ZRANB1: variants seen among roughly 807,000 people sequenced by gnomAD.
The protein encoded by ZRANB1 is ubiquitin thioesterase ZRANB1.
Under a neutral mutation model 80.5 loss-of-function variants are expected in ZRANB1, and 16 were observed. That is an observed-to-expected ratio of 0.20 (90% CI 0.13 to 0.30). The LOEUF (loss-of-function observed/expected upper bound fraction) is 0.30. Ranked by LOEUF, ZRANB1 falls within the 10% of genes least tolerant of loss-of-function variation. The pLI, the probability that ZRANB1 is intolerant of heterozygous loss-of-function variation, is 1.00. For missense variants in ZRANB1, 576 were observed against 862.6 expected, an observed-to-expected ratio of 0.67 and a Z score of 4.16; for synonymous variants, 291 against 293.1, an observed-to-expected ratio of 0.99 and a Z score of 0.07.
rs1952003262 is a variant in ZRANB1 at position 124,985,071 on chromosome 10, T to C, written c.*79T>C. 1 of 1,185,318 alleles carries C rather than the reference T, an allele frequency of 8.4e-7. No individual in the cohort carries two copies. The highest frequency in any genetic ancestry group is 1.5e-5 in the African/African-American group (1 of 65,404). 73.4% of individuals were successfully genotyped at this position (1,185,318 alleles called of 1,614,324 possible). ...AGTTAGTGTGGTGCTCCAAGCAGAG[T>C]CGACATCATGGAATGAACCAAATCT... On this transcript the variant is annotated 3_prime_UTR_variant, in exon 9 of 9. Coordinates refer to ENST00000359653, the MANE Select transcript of ZRANB1 (RefSeq NM_017580.3).
At chr10:124,960,101 A>G (rs1359658894) in intron 1 of ZRANB1, among the ~76,000 whole-genome samples, 1 of 152,110 alleles carries the variant, frequency 6.6e-6, no homozygotes, top group Admixed American at 6.6e-5. Context: ...AGGTTTTTTA[A>G]GAGGTTTTGT....
intron 1 of ZRANB1, among the ~76,000 whole-genome samples, chr10:124,962,772 A>G (rs533353505): frequency 3.3e-5 from 5 of 152,278 alleles, no homozygotes; most frequent in African/African-American, 9.6e-5. Flanking sequence ...GTGTATTAAC[A>G]CTTTATCTGT....
At chr10:124,958,053 T>C (rs1951701351) in intron 1 of ZRANB1, among the ~76,000 whole-genome samples, 1 of 152,250 alleles carries the variant, frequency 6.6e-6, no homozygotes, top group Admixed American at 6.5e-5. Context: ...TTTTTGAGAC[T>C]GAATAATATT....
At chr10:124,924,137 C>G in the ZRANB1 span, among the ~76,000 whole-genome samples, 1 of 151,388 alleles carries the variant, frequency 6.6e-6, no homozygotes, top group Non-Finnish European at 1.5e-5. Context: ...CTCCTGAGTT[C>G]AAGTGATCTG....
At chr10:124,972,845 C>G (rs1161492792) in intron 3 of ZRANB1, among the ~76,000 whole-genome samples, 2 of 151,260 alleles carry the variant, frequency 1.3e-5, no homozygotes, top group African/African-American at 4.9e-5. Context: ...TGGGCGTGAT[C>G]ATAGCTTACT....
intron 2 of ZRANB1, among the ~76,000 whole-genome samples, chr10:124,970,405 C>T (rs984520452): frequency 6.6e-6 from 1 of 152,114 alleles, no homozygotes; most frequent in Non-Finnish European, 1.5e-5. Flanking sequence ...ACTACTGGTG[C>T]ATGCCACTAA....
chr10:124,951,739 T>C (rs1205362605), intron 1 of ZRANB1, among the ~76,000 whole-genome samples: 1 of 152,080 alleles, frequency 6.6e-6, no homozygotes, highest in Non-Finnish European at 1.5e-5. Context: ...GTCGGATCAC[T>C]TGAGGTCAGG....
At chr10:124,927,517 C>T in the ZRANB1 span, among the ~76,000 whole-genome samples, 164 of 152,196 alleles carry the variant, frequency 1.1e-3, 2 homozygotes, top group East Asian at 0.016. Flanking sequence ...TATTTTTAAA[C>T]GGGAACTAGT....
intron 1 of ZRANB1, among the ~76,000 whole-genome samples, chr10:124,962,963 G>C (rs1037601005): frequency 1.3e-5 from 2 of 152,062 alleles, no homozygotes; most frequent in Admixed American, 1.3e-4. Flanking sequence ...TTCAAAAAAA[G>C]TACTAAGAGA....
intron 1 of ZRANB1, among the ~76,000 whole-genome samples, chr10:124,955,053 C>T (rs1050239369): frequency 3.3e-5 from 5 of 150,854 alleles, no homozygotes; most frequent in South Asian, 2.1e-4. Context: ...GGCGTGAACC[C>T]GGGAGGTGGA....
Position 124,942,460 on chromosome 10 carries a change from C to T in ZRANB1, c.-34C>T. 1.2e-6 allele frequency: 2 copies of T among 1,612,266 alleles called. No homozygotes were observed. The highest frequency in any genetic ancestry group is 1.7e-6 in the Non-Finnish European group (2 of 1,178,558). On this transcript the variant is annotated 5_prime_UTR_variant, in exon 1 of 9. Coordinates refer to ENST00000359653, the MANE Select transcript of ZRANB1 (RefSeq NM_017580.3). ...ACCATGTCCTAATTATTTATAGCTTCCTGCCTGACACAGCTCACTTCAAGA... is the reference window on the plus strand; with the variant it reads ...ACCATGTCCTAATTATTTATAGCTTTCTGCCTGACACAGCTCACTTCAAGA...
intron 2 of ZRANB1, among the ~76,000 whole-genome samples, chr10:124,970,857 T>TG (rs1161884622): frequency 3.2e-5 from 4 of 124,422 alleles, no homozygotes; most frequent in South Asian, 2.5e-4. Context: ...TTTTTTTTTT[T>TG]GGCAGAGTCT....
chr10:124,937,339 A>G (rs1951496815), upstream of ZRANB1, among the ~76,000 whole-genome samples: 1 of 151,960 alleles, frequency 6.6e-6, no homozygotes, highest in Admixed American at 6.6e-5. Flanking sequence ...GGCACCTGCC[A>G]CCACGCCCAG....
rs1403998794 is a variant in ZRANB1, at chr10:124,966,709, T to C, written c.930T>C (p.Asp310=). 1.9e-6 allele frequency: 3 copies of C among 1,614,082 alleles called. No individual in the cohort carries two copies. The highest frequency in any genetic ancestry group is 2.5e-6 in the Non-Finnish European group (3 of 1,180,038). Residue 310 remains aspartate, a synonymous_variant, in exon 2 of 9, where the codon GAT becomes GAC. Transcript: ENST00000359653. ...VRLLNRPSAF[D]VGYTLVHLAI... ...TGCTGAATCGTCCTTCTGCCTTTGA[T>C]GTTGGCTATACTCTTGTACACTTGG...
Position 124,944,494 on chromosome 10 carries a change from C to A in ZRANB1, c.814+1187C>A, listed in dbSNP as rs879533323. Among the ~76,000 whole-genome samples, 9 of 112,754 alleles carry A rather than the reference C, an allele frequency of 8.0e-5. 1 individual carries two copies. The East Asian group carries it at 1.4e-3, about 18-fold the overall frequency. 74.0% of individuals were successfully genotyped at this position (112,754 alleles called of 152,430 possible). On this transcript the variant is annotated intron_variant, in intron 1 of 8. Coordinates refer to ENST00000359653, the MANE Select transcript of ZRANB1 (RefSeq NM_017580.3). ...AATTATATATATCATTCCCCCCCCC[C>A]CCCCGCCCCAAGATGGGATCTCACT... is the stretch of plus-strand genomic sequence containing the variant.
the ZRANB1 span, among the ~76,000 whole-genome samples, chr10:124,935,726 CT>C: frequency 6.6e-6 from 1 of 152,216 alleles, no homozygotes; most frequent in South Asian, 2.1e-4. Context: ...AGGTCTACTC[CT>C]TTCTTTCATC....
chr10:124,958,757 G>A (rs1951706785), intron 1 of ZRANB1, among the ~76,000 whole-genome samples: 1 of 152,172 alleles, frequency 6.6e-6, no homozygotes, highest in South Asian at 2.1e-4. Context: ...AGAATGGCAT[G>A]CTGTCTCATT....
intron 1 of ZRANB1, among the ~76,000 whole-genome samples, chr10:124,949,754 C>T (rs895139228): frequency 6.6e-6 from 1 of 152,034 alleles, no homozygotes; most frequent in Non-Finnish European, 1.5e-5. Flanking sequence ...GACTCCTGGA[C>T]TCAAGTACTG....
intron 1 of ZRANB1, among the ~76,000 whole-genome samples, chr10:124,944,943 G>T (rs554771492): frequency 6.6e-6 from 1 of 151,994 alleles, no homozygotes; most frequent in African/African-American, 2.4e-5. Flanking sequence ...AAAACATACC[G>T]GGCTATCTTC....
Sources: allele counts gnomAD v4.1 joint callset (sites outside exome capture counted in the v4.1 genomes callset), GRCh38; gene constraint gnomAD v4.1.1; transcripts MANE v1.5; gene names NCBI Gene and HGNC (gene_info 2026-07-23, HGNC 2026-07-21).